Variants in DOCK2 observed in about 807,000 individuals in gnomAD.
The protein encoded by DOCK2 is dedicator of cytokinesis 2.
A neutral mutation model predicts 248.9 loss-of-function variants in DOCK2; 87 were observed. The ratio of observed to expected loss-of-function variants is 0.35; its 90% confidence interval spans 0.29 to 0.42. The LOEUF is 0.42. DOCK2 is among the 10% of genes least tolerant of loss of function. The pLI is 1.00. For missense variants in DOCK2, 1,747 were observed against 2,300.2 expected (o/e 0.76, Z 4.92); for synonymous variants, 805 against 821.6 (o/e 0.98, Z 0.35).
intron 27 of DOCK2, chr5:169,884,507 A>T (rs1772856452): frequency 6.6e-6 from 1 of 152,200 alleles, no homozygotes; most frequent in South Asian, 2.1e-4. Flanking sequence ...GAACATTCCC[A>T]TTTATGTCAA....
intron 26 of DOCK2, among the ~76,000 whole-genome samples, chr5:169,813,385 G>C (rs1767875664): frequency 6.6e-6 from 1 of 152,176 alleles, no homozygotes; most frequent in South Asian, 2.1e-4. Context: ...CAGCTCTGCT[G>C]CTGTGCCTTG....
intron 27 of DOCK2, among the ~76,000 whole-genome samples, chr5:169,923,495 AC>A (rs1775285253): frequency 6.6e-6 from 1 of 152,064 alleles, no homozygotes; most frequent in Non-Finnish European, 1.5e-5. Context: ...ACACACACAC[AC>A]ACACACACAC....
intron 27 of DOCK2, among the ~76,000 whole-genome samples, chr5:169,910,954 G>A (rs973354221): frequency 4.6e-5 from 7 of 151,982 alleles, no homozygotes; most frequent in Non-Finnish European, 7.4e-5. Flanking sequence ...CTATATCTGG[G>A]GTATGAGCCA....
intron 34 of DOCK2, among the ~76,000 whole-genome samples, chr5:170,032,444 G>C (rs1342108824): frequency 6.6e-6 from 1 of 152,122 alleles, no homozygotes; most frequent in Non-Finnish European, 1.5e-5. Flanking sequence ...GTTGAGCATT[G>C]GGCTTTGTAA....
intron 8 of DOCK2, among the ~76,000 whole-genome samples, chr5:169,684,622 C>A (rs1759850849): frequency 6.6e-6 from 1 of 152,198 alleles, no homozygotes; most frequent in Non-Finnish European, 1.5e-5. Context: ...AAGATTCAGA[C>A]AAGTAGCATT....
At chr5:170,009,149 G>T (rs539761372) in intron 32 of DOCK2, among the ~76,000 whole-genome samples, 1 of 152,060 alleles carries the variant, frequency 6.6e-6, no homozygotes, top group East Asian at 1.9e-4. Flanking sequence ...AAGGAGAATT[G>T]GCTCTCTGAA....
chr5:169,770,016 A>G (rs918201338), intron 25 of DOCK2, among the ~76,000 whole-genome samples: 9 of 152,208 alleles, frequency 5.9e-5, no homozygotes, highest in African/African-American at 9.6e-5. Context: ...TAGTAAAAGC[A>G]TTATTCAATG....
chr5:169,664,402 G>T (rs1758607507), intron 2 of DOCK2, among the ~76,000 whole-genome samples: 1 of 152,096 alleles, frequency 6.6e-6, no homozygotes, highest in East Asian at 1.9e-4. Context: ...TCCAACCTCT[G>T]CCCAGTTCCA....
intron 1 of DOCK2, among the ~76,000 whole-genome samples, chr5:169,646,196 A>G (rs1247202899): frequency 6.6e-6 from 1 of 152,188 alleles, no homozygotes; most frequent in Non-Finnish European, 1.5e-5. Context: ...ATTAAATAGG[A>G]GATCCTTATT....
chr5:169,926,180 G>T (rs757517070), intron 27 of DOCK2, among the ~76,000 whole-genome samples: 6 of 152,170 alleles, frequency 3.9e-5, no homozygotes, highest in Non-Finnish European at 8.8e-5. Flanking sequence ...TAGTCGGCAT[G>T]GATGTGGATA....
chr5:169,994,108 G>A (rs1322902930), intron 29 of DOCK2, among the ~76,000 whole-genome samples: 1 of 152,156 alleles, frequency 6.6e-6, no homozygotes. Flanking sequence ...AGGGCAGGTG[G>A]CCGGAGTTTA....
intron 26 of DOCK2, among the ~76,000 whole-genome samples, chr5:169,839,204 T>C (rs1262510957): frequency 6.6e-6 from 1 of 152,200 alleles, no homozygotes; most frequent in East Asian, 1.9e-4. Context: ...TGTCACATCA[T>C]GGTTCTTAGC....
intron 27 of DOCK2, among the ~76,000 whole-genome samples, chr5:169,963,569 C>A (rs2113750321): frequency 6.6e-6 from 1 of 152,260 alleles, no homozygotes; most frequent in Non-Finnish European, 1.5e-5. Context: ...CAGGGACCAG[C>A]CATCACAGGG....
rs557418279 is a variant in DOCK2, at chr5:169,678,526, G to T, written c.471-3218G>T. 2.6e-5 allele frequency among the ~76,000 whole-genome samples: 4 copies of T among 152,284 alleles called. No homozygotes were observed. The East Asian group carries it at 5.8e-4, about 22-fold the overall frequency. ...GATCCACCTGCCTTGGCCTGCAAAA[G>T]TGCTGGGATTACAGTCATAAGCCAC... On this transcript the variant is annotated intron_variant, in intron 6 of 51. Transcript: ENST00000520908.
At chr5:169,785,223 A>G (rs1293616979) in intron 25 of DOCK2, among the ~76,000 whole-genome samples, 1 of 152,226 alleles carries the variant, frequency 6.6e-6, no homozygotes, top group African/African-American at 2.4e-5. Context: ...ATTTTACGTT[A>G]TAAACAGTAT....
chr5:169,724,656 C>T (rs1476038572), intron 22 of DOCK2, among the ~76,000 whole-genome samples: 1 of 152,190 alleles, frequency 6.6e-6, no homozygotes, highest in Non-Finnish European at 1.5e-5. Flanking sequence ...GTCTAGCTTA[C>T]CTCACCCAGG....
chr5:169,880,690 A>T (rs961517871), intron 27 of DOCK2, among the ~76,000 whole-genome samples: 1 of 152,190 alleles, frequency 6.6e-6, no homozygotes, highest in South Asian at 2.1e-4. Context: ...GGCAACTCTG[A>T]ATAGGGATAA....
At chr5:170,018,809 A>C in intron 32 of DOCK2, 151 bp from the exon 33 acceptor site, 1 of 1,003,428 alleles carries the variant, frequency 1.0e-6, no homozygotes, top group Non-Finnish European at 1.5e-6. Context: ...AGTGTTCAAA[A>C]CGGTGCCTGG....
At chr5:169,978,294 G>A (rs1777791326) in intron 27 of DOCK2, among the ~76,000 whole-genome samples, 1 of 133,264 alleles carries the variant, frequency 7.5e-6, no homozygotes, top group Non-Finnish European at 1.5e-5. Context: ...CCCCTATTTT[G>A]TTTGTTTGTT....
Sources: gnomAD v4.1 joint callset for allele counts (sites outside exome capture counted in the v4.1 genomes callset) on GRCh38, gnomAD v4.1.1 for gene constraint, MANE v1.5 for transcripts, NCBI Gene and HGNC (gene_info 2026-07-23, HGNC 2026-07-21) for gene names.